CRIM1: variants seen among roughly 807,000 people sequenced by gnomAD.
CRIM1 encodes cysteine rich transmembrane BMP regulator 1.
Under a neutral mutation model 116.4 loss-of-function variants are expected in CRIM1, and 32 were observed. The observed-to-expected ratio is 0.27, with a 90% confidence interval of 0.21 to 0.37. CRIM1 has a LOEUF of 0.37. CRIM1 is among the 10% of genes least tolerant of loss of function. The probability of loss-of-function intolerance (pLI) is 1.00; values close to 1 mark genes in which losing one functional copy is unlikely to be tolerated. For missense variants in CRIM1, 1,331 were observed against 1,354.8 expected (o/e 0.98, Z 0.28); for synonymous variants, 590 against 509.2 (o/e 1.16, Z -2.13).
chr2:36,389,829 A>G (rs906101796), intron 1 of CRIM1, among the ~76,000 whole-genome samples: 1 of 152,104 alleles, frequency 6.6e-6, no homozygotes, highest in Non-Finnish European at 1.5e-5. Flanking sequence ...TATGTTGAAG[A>G]GCATAGAGGT....
At chr2:36,536,215 T>C (rs1666544446) in intron 13 of CRIM1, among the ~76,000 whole-genome samples, 1 of 152,212 alleles carries the variant, frequency 6.6e-6, no homozygotes, top group Non-Finnish European at 1.5e-5. Flanking sequence ...ATTATGGGCT[T>C]CTCGTCGTGC....
chr2:36,486,331 C>A (rs913413281), intron 7 of CRIM1, among the ~76,000 whole-genome samples: 1 of 152,118 alleles, frequency 6.6e-6, no homozygotes, highest in African/African-American at 2.4e-5. Context: ...CTTACTTATA[C>A]CTAGGAGTTC....
intron 1 of CRIM1, among the ~76,000 whole-genome samples, chr2:36,384,769 T>G (rs534825897): frequency 1.3e-5 from 2 of 152,348 alleles, no homozygotes; most frequent in East Asian, 1.9e-4. Context: ...TTAAAATCAG[T>G]GGATCAGGCC....
In CRIM1 at chr2:36,458,367, C is replaced by G. The variant is rs1677308629; in HGVS notation, c.870-6167C>G. ...GCTGTGGGAGGGGCAAACAGGACTC[C>G]TAGCCCTGTGGCCTCCTCCAGGAAT... On this transcript the variant is annotated intron_variant, in intron 4 of 16. Coordinates refer to ENST00000280527, the MANE Select transcript of CRIM1 (RefSeq NM_016441.3). 3.3e-5 allele frequency among the ~76,000 whole-genome samples: 5 copies of G among 152,230 alleles called. No individual in the cohort carries two copies. The South Asian group carries it at 8.3e-4, about 25-fold the overall frequency.
intron 4 of CRIM1, among the ~76,000 whole-genome samples, chr2:36,450,778 C>A (rs968662662): frequency 4.6e-5 from 7 of 152,234 alleles, no homozygotes; most frequent in African/African-American, 1.7e-4. Context: ...ACTATAACAT[C>A]TAAATATTTG....
rs1572900580 is a variant in CRIM1 at position 36,512,260 on chromosome 2, T to C, written c.1659-13T>C. On this transcript the variant is annotated splice_polypyrimidine_tract_variant and intron_variant, in intron 9 of 16. Coordinates refer to ENST00000280527, the MANE Select transcript of CRIM1 (RefSeq NM_016441.3). ...GTGATTTTCTGACCTCTGACAAAAT[T>C]TTAATTACCCAGGAAGAATAAGCAC... 1.2e-6 allele frequency: 2 copies of C among 1,608,818 alleles called. No individual in the cohort carries two copies. The highest frequency in any genetic ancestry group is 2.2e-5 in the East Asian group (1 of 44,670).
At chr2:36,495,485 T>A (rs895422521) in intron 7 of CRIM1, among the ~76,000 whole-genome samples, 3 of 147,826 alleles carry the variant, frequency 2.0e-5, no homozygotes, top group South Asian at 2.1e-4. Flanking sequence ...ATTTTTTTTT[T>A]TTTTTTTTTT....
At chr2:36,432,371 A>T (rs1674960973) in intron 2 of CRIM1, among the ~76,000 whole-genome samples, 1 of 152,222 alleles carries the variant, frequency 6.6e-6, no homozygotes, top group Admixed American at 6.5e-5. Flanking sequence ...TGGTGTGTGA[A>T]TATATAAATA....
At chr2:36,514,106 T>C (rs7606873) in intron 11 of CRIM1, among the ~76,000 whole-genome samples, 3,624 of 152,348 alleles carry the variant, frequency 0.024, 130 homozygotes, top group African/African-American at 0.08. Flanking sequence ...TAAGTCTGAA[T>C]GTCCTCATTA....
intron 15 of CRIM1, among the ~76,000 whole-genome samples, chr2:36,546,336 C>G (rs1667328496): frequency 6.6e-6 from 1 of 152,130 alleles, no homozygotes. Flanking sequence ...GGTCATCATT[C>G]ATAAGTGCAA....
At chr2:36,438,474 TCTC>T (rs1288112071) in intron 2 of CRIM1, among the ~76,000 whole-genome samples, 1 of 152,194 alleles carries the variant, frequency 6.6e-6, no homozygotes, top group Non-Finnish European at 1.5e-5. Flanking sequence ...TTTGATTTAT[TCTC>T]CTCCACACTG....
At chr2:36,541,586 A>T (rs528248455) in intron 14 of CRIM1, among the ~76,000 whole-genome samples, 2 of 152,332 alleles carry the variant, frequency 1.3e-5, no homozygotes, top group South Asian at 4.1e-4. Context: ...CTCGCCCCGT[A>T]TTCCAGAAGA....
intron 11 of CRIM1, among the ~76,000 whole-genome samples, chr2:36,515,540 C>A (rs1211338915): frequency 6.6e-6 from 1 of 152,202 alleles, no homozygotes; most frequent in Admixed American, 6.5e-5. Context: ...TATTTTTCTC[C>A]CCTCTTCATT....
At position 36,417,435 on chromosome 2, in the gene CRIM1, G is replaced by A. The variant is rs938686225; in HGVS notation, c.505+20648G>A. 2.6e-5 allele frequency among the ~76,000 whole-genome samples: 4 copies of A among 152,214 alleles called. 1 individual carries two copies. Among genetic ancestry groups the A allele is most frequent in the South Asian group, 4.2e-4 (2 of 4,818 alleles). ...AAGGTGGTTCATGGCAGTATTTGGG[G>A]CCTGAAATATGAAATACTGTCATAG... On this transcript the variant is annotated intron_variant, in intron 2 of 16. Coordinates refer to ENST00000280527, the MANE Select transcript of CRIM1 (RefSeq NM_016441.3).
At chr2:36,430,167 C>G (rs1447043358) in intron 2 of CRIM1, among the ~76,000 whole-genome samples, 1 of 152,158 alleles carries the variant, frequency 6.6e-6, no homozygotes, top group Non-Finnish European at 1.5e-5. Context: ...TGCTTATAAA[C>G]CCATACTGAC....
intron 2 of CRIM1, among the ~76,000 whole-genome samples, chr2:36,429,028 T>C (rs1221308947): frequency 6.6e-6 from 1 of 151,928 alleles, no homozygotes; most frequent in African/African-American, 2.4e-5. Context: ...CCCTTCTACT[T>C]TTCCCCTCTC....
intron 2 of CRIM1, among the ~76,000 whole-genome samples, chr2:36,423,003 G>A (rs928378786): frequency 6.6e-6 from 1 of 152,180 alleles, no homozygotes; most frequent in East Asian, 1.9e-4. Context: ...TATAAGTAGC[G>A]TATATAATGG....
chr2:36,396,717 T>G lies in CRIM1; in HGVS notation c.435T>G (p.Ile145Met). ...ATGGGAAATGTGAATGTAACACCAT[T>G]CGAACCTGCAGCAATCCCTTTGAGT... ...IINGKCECNT[I>M]RTCSNPFEFP... Residue 145 changes from isoleucine (I) to methionine (M), a missense_variant, in exon 2 of 17, where the codon ATT becomes ATG. Ile to Met is a conservative substitution (Grantham distance 10, BLOSUM62 1). Around this residue, in one of 3 missense-constraint regions of CRIM1, gnomAD observed 690 missense variants for 676.0 expected, o/e 1.02. Transcript: ENST00000280527. 1 of 1,613,892 alleles carries G rather than the reference T, an allele frequency of 6.2e-7. No individual in the cohort carries two copies. The highest frequency in any genetic ancestry group is 8.5e-7 in the Non-Finnish European group (1 of 1,179,770).
intron 11 of CRIM1, among the ~76,000 whole-genome samples, chr2:36,515,861 G>A (rs1665000981): frequency 6.6e-6 from 1 of 152,188 alleles, no homozygotes; most frequent in Non-Finnish European, 1.5e-5. Flanking sequence ...AAAGCAATAA[G>A]GGAGGCTTTT....
Sources: allele counts gnomAD v4.1 joint callset (sites outside exome capture counted in the v4.1 genomes callset), GRCh38; gene constraint gnomAD v4.1.1; regional missense constraint gnomAD v4.1.1; transcripts MANE v1.5; gene names NCBI Gene and HGNC (gene_info 2026-07-23, HGNC 2026-07-21).